The following ST6GALNAC3 variants were observed in gnomAD, a reference collection of about 807,000 sequenced individuals.
ST6GALNAC3 encodes alpha-N-acetylgalactosaminide alpha-2,6-sialyltransferase 3.
In ST6GALNAC3, 25 loss-of-function variants were observed where a neutral mutation model predicts 32.7. That is an observed-to-expected ratio of 0.76 (90% CI 0.56 to 1.07). ST6GALNAC3 has a LOEUF of 1.07. Ranked by LOEUF, ST6GALNAC3 falls within the 50% of genes least tolerant of loss-of-function variation. The pLI is 0.00. For missense variants in ST6GALNAC3, 355 were observed against 382.4 expected (o/e 0.93, Z 0.60); for synonymous variants, 129 against 133.1 (o/e 0.97, Z 0.21).
At chr1:76,516,205 G>A (rs772906123) in intron 3 of ST6GALNAC3, among the ~76,000 whole-genome samples, 153 of 152,248 alleles carry the variant, frequency 1.0e-3, no homozygotes, top group Non-Finnish European at 1.6e-3. Flanking sequence ...GTATGTGCAG[G>A]CCAAGAGGCC....
intron 1 of ST6GALNAC3, among the ~76,000 whole-genome samples, chr1:76,285,653 G>C (rs1003052643): frequency 6.6e-6 from 1 of 152,048 alleles, no homozygotes; most frequent in Non-Finnish European, 1.5e-5. Flanking sequence ...AGGTACTCAT[G>C]AGGGCAGAAG....
intron 3 of ST6GALNAC3, chr1:76,576,707 G>C: frequency 1.8e-6 from 1 of 571,218 alleles, no homozygotes; most frequent in Admixed American, 3.4e-5. Flanking sequence ...AAAAATGCCA[G>C]AGGAAAAGCT....
chr1:76,572,341 G>T (rs993106682), intron 3 of ST6GALNAC3, among the ~76,000 whole-genome samples: 4 of 152,064 alleles, frequency 2.6e-5, no homozygotes, highest in Non-Finnish European at 5.9e-5. Context: ...GCTATTAAAT[G>T]CTCAATAAAT....
rs998880179 is a variant in ST6GALNAC3, at chr1:76,413,436, A to G, written c.623+1019A>G. On this transcript the variant is annotated intron_variant, in intron 3 of 4. Coordinates refer to ENST00000328299, the MANE Select transcript of ST6GALNAC3 (RefSeq NM_152996.4). ...TAGCATTCCAATTTTTTCAAAATGT[A>G]TGTATTTCACTATTCAATATTATCA... is the stretch of plus-strand genomic sequence containing the variant. Among the ~76,000 whole-genome samples the G allele has an allele frequency of 5.3e-5, 8 of 152,158 alleles. No homozygotes were observed. In the South Asian group the frequency reaches 1.0e-3, roughly 20 times the overall value.
At chr1:76,622,784 C>T (rs1465222885) in intron 3 of ST6GALNAC3, among the ~76,000 whole-genome samples, 2 of 151,986 alleles carry the variant, frequency 1.3e-5, no homozygotes, top group Non-Finnish European at 2.9e-5. Flanking sequence ...ATTAGCAGAG[C>T]ATCCTGTGAA....
chr1:76,326,459 T>C (rs1647071595), intron 2 of ST6GALNAC3, among the ~76,000 whole-genome samples: 1 of 152,188 alleles, frequency 6.6e-6, no homozygotes, highest in Non-Finnish European at 1.5e-5. Flanking sequence ...CCAAAAATAA[T>C]TTCATTCACC....
At chr1:76,622,601 A>G (rs1180051517) in intron 3 of ST6GALNAC3, among the ~76,000 whole-genome samples, 1 of 151,958 alleles carries the variant, frequency 6.6e-6, no homozygotes, top group Non-Finnish European at 1.5e-5. Context: ...GATAAAATGT[A>G]TAAGAGAACT....
At chr1:76,232,791 G>A (rs777738819) in intron 1 of ST6GALNAC3, among the ~76,000 whole-genome samples, 5 of 152,218 alleles carry the variant, frequency 3.3e-5, no homozygotes, top group East Asian at 1.9e-4. Context: ...TGACTTGAGC[G>A]TTAAAGCGGG....
intron 3 of ST6GALNAC3, among the ~76,000 whole-genome samples, chr1:76,451,805 A>G (rs1657423847): frequency 6.6e-6 from 1 of 152,186 alleles, no homozygotes; most frequent in South Asian, 2.1e-4. Context: ...TACCAGTTGC[A>G]GGAGCTTTTT....
Position 76,152,755 on chromosome 1 carries a change from G to A in ST6GALNAC3, c.18+77871G>A, listed in dbSNP as rs79326641. Among the ~76,000 whole-genome samples, 1,314 of 152,176 alleles carry A rather than the reference G, an allele frequency of 8.6e-3. 15 individuals carry two copies. Among genetic ancestry groups the A allele is most frequent in the African/African-American group, 0.03 (1,228 of 41,452 alleles). The stretch of plus-strand genomic sequence containing the variant: ...ACTAGCTGAAAACACCATTTTGACC[G>A]TTGGGCAGAGATTTCCCATCATGGG... On this transcript the variant is annotated intron_variant, in intron 1 of 4. Transcript: ENST00000328299.
At chr1:76,549,260 T>C (rs939090345) in intron 3 of ST6GALNAC3, among the ~76,000 whole-genome samples, 3 of 152,132 alleles carry the variant, frequency 2.0e-5, no homozygotes, top group African/African-American at 7.2e-5. Context: ...TCAAATCCAA[T>C]TGATGTCCCC....
intron 2 of ST6GALNAC3, among the ~76,000 whole-genome samples, chr1:76,343,731 C>T (rs1648259343): frequency 6.6e-6 from 1 of 152,164 alleles, no homozygotes; most frequent in African/African-American, 2.4e-5. Flanking sequence ...AAAACAAGTC[C>T]TTCTAGCTTC....
chr1:76,555,679 G>A (rs569091850), intron 3 of ST6GALNAC3, among the ~76,000 whole-genome samples: 1 of 152,196 alleles, frequency 6.6e-6, no homozygotes, highest in African/African-American at 2.4e-5. Context: ...TGAAAAAGTA[G>A]CAGGTGTAAA....
At chr1:76,268,799 A>T (rs1048653945) in intron 1 of ST6GALNAC3, among the ~76,000 whole-genome samples, 11 of 152,100 alleles carry the variant, frequency 7.2e-5, no homozygotes, top group African/African-American at 2.4e-4. Context: ...CCGCTGATGG[A>T]GTGCTCTGCC....
At chr1:76,182,160 C>T (rs961538547) in intron 1 of ST6GALNAC3, among the ~76,000 whole-genome samples, 2 of 152,136 alleles carry the variant, frequency 1.3e-5, no homozygotes, top group East Asian at 1.9e-4. Flanking sequence ...CTGAGCTATA[C>T]TTATCATTTA....
intron 3 of ST6GALNAC3, among the ~76,000 whole-genome samples, chr1:76,522,305 AT>A (rs929076553): frequency 1.3e-5 from 2 of 151,926 alleles, no homozygotes; most frequent in Admixed American, 1.3e-4. Context: ...TAGTTTGCTG[AT>A]TTTTTTGAAT....
chr1:76,573,055 G>A (rs983009155), intron 3 of ST6GALNAC3, among the ~76,000 whole-genome samples: 4 of 152,090 alleles, frequency 2.6e-5, no homozygotes, highest in Non-Finnish European at 5.9e-5. Context: ...TGGTGAGATT[G>A]GAAGTGAGTT....
chr1:76,490,943 C>T (rs1359473344), intron 3 of ST6GALNAC3, among the ~76,000 whole-genome samples: 2 of 151,786 alleles, frequency 1.3e-5, no homozygotes, highest in Admixed American at 1.3e-4. Context: ...ACCACAACAT[C>T]CACCTCCTGG....
intron 2 of ST6GALNAC3, among the ~76,000 whole-genome samples, chr1:76,361,076 T>TA (rs1176147080): frequency 6.6e-6 from 1 of 152,116 alleles, no homozygotes; most frequent in Non-Finnish European, 1.5e-5. Context: ...TTAATTGTTA[T>TA]AAAAAATTAA....
Sources: allele counts gnomAD v4.1 joint callset (sites outside exome capture counted in the v4.1 genomes callset), GRCh38; gene constraint gnomAD v4.1.1; transcripts MANE v1.5; gene names NCBI Gene and HGNC (gene_info 2026-07-23, HGNC 2026-07-21).